The following MRNIP variants were observed in gnomAD, a reference collection of about 807,000 sequenced individuals.
MRNIP encodes MRN complex interacting protein, also known as MRN complex-interacting protein.
MRNIP carries 30 observed loss-of-function variants against 29.8 expected under a neutral mutation model. The ratio of observed to expected loss-of-function variants is 1.01; its 90% CI spans 0.75 to 1.36. The LOEUF is 1.36. MRNIP is among the 40% of genes most tolerant of loss of function. The pLI is 0.00. For missense variants in MRNIP, 459 were observed against 423.5 expected, an observed-to-expected ratio of 1.08 and a Z score of -0.74; for synonymous variants, 201 against 164.1, an observed-to-expected ratio of 1.23 and a Z score of -1.72.
chr5:179,848,934 G>C (rs551614475), intron 2 of MRNIP, among the ~76,000 whole-genome samples: 1 of 152,206 alleles, frequency 6.6e-6, no homozygotes, highest in Non-Finnish European at 1.5e-5. Context: ...AGGGGTCTAA[G>C]GGGAAGACGG....
intron 3 of MRNIP, among the ~76,000 whole-genome samples, chr5:179,845,521 C>T (rs1290438938): frequency 6.6e-6 from 1 of 151,208 alleles, no homozygotes; most frequent in East Asian, 2.0e-4. Flanking sequence ...AAGACAGAGT[C>T]TCACTCTGGT....
chr5:179,853,583 C>T (rs990825971), intron 1 of MRNIP, 146 bp from the exon 2 acceptor site: 9 of 597,140 alleles, frequency 1.5e-5, no homozygotes, highest in Non-Finnish European at 2.7e-5. Context: ...ACCAGCCTGA[C>T]CAATATGGTG....
At chr5:179,853,197 C>G in intron 2 of MRNIP, 181 bp downstream of exon 2, 1 of 1,526,814 alleles carries the variant, frequency 6.5e-7, no homozygotes, top group Non-Finnish European at 8.8e-7. Context: ...ATGGCAGTAC[C>G]TTTCCAGATT....
chr5:179,851,635 A>T (rs1243031726), intron 2 of MRNIP, among the ~76,000 whole-genome samples: 5 of 151,900 alleles, frequency 3.3e-5, no homozygotes, highest in African/African-American at 7.3e-5. Context: ...TTATTTATTT[A>T]TTTTTTAACT....
intron 5 of MRNIP, 163 bp downstream of exon 5, chr5:179,841,744 C>T: frequency 1.4e-6 from 1 of 725,108 alleles, no homozygotes; most frequent in Non-Finnish European, 2.3e-6. Context: ...CCCAGGTGGG[C>T]TGTGGGGCCA....
intron 6 of MRNIP, 55 bp from the exon 7 acceptor site, chr5:179,837,940 G>A: frequency 6.5e-7 from 1 of 1,542,284 alleles, no homozygotes; most frequent in South Asian, 1.2e-5. Context: ...CAGGGCCCAG[G>A]AGGACCGCCT....
At chr5:179,846,762 T>C (rs1403539146) in intron 3 of MRNIP, among the ~76,000 whole-genome samples, 2 of 152,182 alleles carry the variant, frequency 1.3e-5, no homozygotes, top group African/African-American at 4.8e-5. Context: ...CTTAGAGATA[T>C]TTCCCCCTCT....
intron 2 of MRNIP, among the ~76,000 whole-genome samples, chr5:179,850,480 T>C (rs775745006): frequency 3.9e-5 from 6 of 152,212 alleles, no homozygotes; most frequent in Non-Finnish European, 8.8e-5. Flanking sequence ...TGATGTCCCG[T>C]GAGCACAGAA....
intron 2 of MRNIP, 98 bp downstream of exon 2, chr5:179,853,279 GT>G (rs748997047): frequency 6.3e-7 from 1 of 1,598,712 alleles, no homozygotes; most frequent in African/African-American, 1.3e-5. Context: ...GGGGAACTCT[GT>G]TTGAGAGAGG....
At chr5:179,843,067 G>GAGGAAGGA (rs1271340537) in intron 4 of MRNIP, among the ~76,000 whole-genome samples, 4 of 117,514 alleles carry the variant, frequency 3.4e-5, no homozygotes, top group East Asian at 2.3e-4. Flanking sequence ...GGAAGGGAGG[G>GAGGAAGGA]AGGGAGGGAG....
At chr5:179,847,944 GC>G (rs748450826) in intron 3 of MRNIP, 33 bp downstream of exon 3, 2 of 1,439,622 alleles carry the variant, frequency 1.4e-6, no homozygotes, top group Non-Finnish European at 1.9e-6. Context: ...CGAAAACAGG[GC>G]AAGACAACCA....
chr5:179,840,565 C>T (rs543604185), intron 6 of MRNIP: 8 of 520,134 alleles, frequency 1.5e-5, no homozygotes, highest in Admixed American at 7.3e-5. Context: ...CCGTGCTCCA[C>T]GCAGAATGAG....
At chr5:179,840,577 CGAT>C in intron 6 of MRNIP, 1 of 538,778 alleles carries the variant, frequency 1.9e-6, no homozygotes, top group Middle Eastern at 4.9e-4. Context: ...CAGAATGAGA[CGAT>C]GGCCCTGACC....
chr5:179,845,369 G>A (rs979700704), intron 3 of MRNIP, among the ~76,000 whole-genome samples: 1 of 152,076 alleles, frequency 6.6e-6, no homozygotes, highest in Non-Finnish European at 1.5e-5. Context: ...GGCTGGTCAT[G>A]AACTCCTGAC....
intron 5 of MRNIP, chr5:179,841,261 A>C (rs1758871222): frequency 5.0e-6 from 2 of 396,988 alleles, no homozygotes; most frequent in Non-Finnish European, 9.2e-6. Context: ...CAGCCTCCCA[A>C]GTAGCTGGGA....
chr5:179,844,175 G>A lies in MRNIP; in HGVS notation c.268C>T (p.Gln90Ter). ...ACCTGCTGCTTCACATTCCCAGCCTGCTGGTGTCCCACGTTTTCTTCTTCA... is the reference window on the plus strand; with the variant it reads ...ACCTGCTGCTTCACATTCCCAGCCTACTGGTGTCCCACGTTTTCTTCTTCA... ...ASEEENVGHQ[Q>*]AGNVKQQEKS... Residue 90 changes from glutamine to a stop codon, truncating the protein, a stop_gained, in exon 4 of 7, where the codon CAG becomes TAG. Transcript: ENST00000292586. LOFTEE classifies it high-confidence loss of function. 6.2e-7 allele frequency: 1 copy of A among 1,614,126 alleles called. No homozygotes were observed. Among genetic ancestry groups the A allele is most frequent in the Non-Finnish European group, 8.5e-7 (1 of 1,180,008 alleles).
intron 3 of MRNIP, among the ~76,000 whole-genome samples, chr5:179,845,205 TTC>T (rs1315497465): frequency 5.7e-4 from 70 of 123,666 alleles, no homozygotes; most frequent in Middle Eastern, 3.9e-3. Flanking sequence ...TTTTAATTTC[TTC>T]TTTTTTTTTT....
chr5:179,856,675 G>A (rs192514114), intron 1 of MRNIP, among the ~76,000 whole-genome samples: 4 of 152,178 alleles, frequency 2.6e-5, no homozygotes, highest in Non-Finnish European at 1.5e-5. Flanking sequence ...GTCTCGCTAC[G>A]TTGCCCAGGC....
intron 2 of MRNIP, among the ~76,000 whole-genome samples, chr5:179,852,681 A>C (rs1005074028): frequency 5.9e-5 from 9 of 152,222 alleles, no homozygotes; most frequent in Admixed American, 3.3e-4. Context: ...GGTCAGAAAG[A>C]AAGCACATGG....
Sources: gnomAD v4.1 joint callset for allele counts (sites outside exome capture counted in the v4.1 genomes callset) on GRCh38, gnomAD v4.1.1 for gene constraint, MANE v1.5 for transcripts, NCBI Gene and HGNC (gene_info 2026-07-23, HGNC 2026-07-21) for gene names.